The following IL1RAP variants were observed in gnomAD, a reference collection of about 807,000 sequenced individuals.
IL1RAP encodes interleukin-1 receptor accessory protein.
In IL1RAP, 35 loss-of-function variants were observed where a neutral mutation model predicts 60.7. The observed-to-expected ratio is 0.58, with a 90% CI of 0.44 to 0.76. The LOEUF is 0.76. Among genes scored for constraint, IL1RAP ranks in the 30% least tolerant of loss-of-function variants. The pLI, the probability that IL1RAP is intolerant of heterozygous loss-of-function variation, is 0.00. For missense variants in IL1RAP, 572 were observed against 693.9 expected, an observed-to-expected ratio of 0.82 and a Z score of 1.97; for synonymous variants, 268 against 250.9, an observed-to-expected ratio of 1.07 and a Z score of -0.64.
chr3:190,578,428 A>C (rs1002582473), intron 3 of IL1RAP, among the ~76,000 whole-genome samples: 3 of 152,204 alleles, frequency 2.0e-5, no homozygotes, highest in African/African-American at 7.2e-5. Context: ...GCACAGAGGT[A>C]ACTTCAATAT....
chr3:190,617,038 C>T (rs1731340499), intron 5 of IL1RAP, among the ~76,000 whole-genome samples: 1 of 152,168 alleles, frequency 6.6e-6, no homozygotes, highest in Non-Finnish European at 1.5e-5. Flanking sequence ...TTTTCCTGTG[C>T]CTGAAGTGTC....
Position 190,623,430 on chromosome 3 carries a change from G to A in IL1RAP, c.775+15G>A. On this transcript the variant is annotated intron_variant, in intron 7 of 11. Transcript: ENST00000447382. The stretch of plus-strand genomic sequence containing the variant: ...GAAAGAACCAGGTAATTACAGCTAT[G>A]TCTCTGAATTTCACTTAGATTCTCT... 1.9e-6 allele frequency: 3 copies of A among 1,570,344 alleles called. No homozygotes were observed. Among genetic ancestry groups the A allele is most frequent in the Non-Finnish European group, 2.6e-6 (3 of 1,140,628 alleles).
intron 8 of IL1RAP, among the ~76,000 whole-genome samples, chr3:190,627,843 C>T (rs555259418): frequency 3.9e-5 from 6 of 152,186 alleles, no homozygotes; most frequent in South Asian, 2.1e-4. Context: ...TGGAAACCTA[C>T]AGTGTAGTTG....
chr3:190,540,226 A>T (rs80216040), intron 1 of IL1RAP, among the ~76,000 whole-genome samples: 1 of 151,958 alleles, frequency 6.6e-6, no homozygotes, highest in African/African-American at 2.4e-5. Context: ...TCCCATTCAC[A>T]TATCCCTCTC....
chr3:190,641,663 A>C (rs1478738559), intron 9 of IL1RAP, among the ~76,000 whole-genome samples: 1 of 152,210 alleles, frequency 6.6e-6, no homozygotes, highest in South Asian at 2.1e-4. Context: ...TCGGTCATTA[A>C]GCAGGCTCTC....
At chr3:190,604,733 A>G (rs1730151964) in intron 4 of IL1RAP, among the ~76,000 whole-genome samples, 1 of 152,062 alleles carries the variant, frequency 6.6e-6, no homozygotes, top group Admixed American at 6.6e-5. Context: ...GGAGACATCC[A>G]TTTCTCCAGA....
intron 1 of IL1RAP, among the ~76,000 whole-genome samples, chr3:190,530,176 C>G (rs1252574812): frequency 2.0e-5 from 3 of 152,024 alleles, no homozygotes; most frequent in Non-Finnish European, 4.4e-5. Context: ...TGGAGAGAGC[C>G]CAGTCTGACC....
At chr3:190,619,944 A>G (rs1263993094) in intron 5 of IL1RAP, among the ~76,000 whole-genome samples, 1 of 152,106 alleles carries the variant, frequency 6.6e-6, no homozygotes, top group East Asian at 1.9e-4. Context: ...GCAGTTGCTC[A>G]AGTTTCCTTA....
rs1040275971 is a variant in IL1RAP, at chr3:190,577,566, C to G, written c.64+13213C>G. ...GAAGATACATGCCTTTTCTTTCCCC[C>G]CTGCAGGATCTTGCTCTGTTACCTA... On this transcript the variant is annotated intron_variant, in intron 3 of 11. Coordinates refer to ENST00000447382, the MANE Select transcript of IL1RAP (RefSeq NM_002182.4). Among the ~76,000 whole-genome samples the G allele has an allele frequency of 3.3e-5, 5 of 152,270 alleles. No individual in the cohort carries two copies. In the South Asian group the frequency reaches 8.3e-4, roughly 25 times the overall value.
rs999492663 is a variant in IL1RAP, at chr3:190,649,449, A to G, written c.*744A>G. ...TCATTCCTTCTCCCTATCTGCTTAT[A>G]TCGCATTGCTCATTTAGAGTTTGCA... is the stretch of plus-strand genomic sequence containing the variant. On this transcript the variant is annotated 3_prime_UTR_variant, in exon 12 of 12. Transcript: ENST00000447382. The G allele has an allele frequency of 6.1e-6, 6 of 985,480 alleles. No individual in the cohort carries two copies. Among genetic ancestry groups the G allele is most frequent in the African/African-American group, 5.2e-5 (3 of 57,204 alleles). The allele number at this position is 985,480 out of a possible 1,614,324, so 61.0% of individuals were successfully genotyped here.
intron 1 of IL1RAP, among the ~76,000 whole-genome samples, chr3:190,528,837 T>C (rs1252349596): frequency 1.3e-5 from 2 of 152,276 alleles, no homozygotes; most frequent in East Asian, 3.9e-4. Flanking sequence ...GATGGACAGG[T>C]TGGACAGAGA....
chr3:190,635,409 T>C (rs1481991946), intron 9 of IL1RAP, among the ~76,000 whole-genome samples: 1 of 152,180 alleles, frequency 6.6e-6, no homozygotes, highest in East Asian at 1.9e-4. Flanking sequence ...CTTCATTTTC[T>C]TTTTGTCAGT....
At chr3:190,614,187 C>T (rs1239098155) in intron 5 of IL1RAP, among the ~76,000 whole-genome samples, 1 of 150,304 alleles carries the variant, frequency 6.7e-6, no homozygotes. Context: ...TCCTCATAGA[C>T]TTATTTGCAT....
chr3:190,603,100 G>A (rs892562124), intron 3 of IL1RAP, among the ~76,000 whole-genome samples: 8 of 152,048 alleles, frequency 5.3e-5, no homozygotes, highest in South Asian at 2.1e-4. Flanking sequence ...AAGCCATTAC[G>A]CACAAGGACA....
rs373850009 is a variant in IL1RAP at position 190,566,222 on chromosome 3, G to A, written c.64+1869G>A. Among the ~76,000 whole-genome samples the A allele has an allele frequency of 5.9e-5, 9 of 152,266 alleles. No individual in the cohort carries two copies. The East Asian group carries it at 1.5e-3, about 26-fold the overall frequency. On this transcript the variant is annotated intron_variant, in intron 3 of 11. Transcript: ENST00000447382. ...CATAGCAGATGCTCAATACATAGGT[G>A]TTAAATGGTTGAATACATGTCCCTT...
At chr3:190,622,298 C>A (rs778932476) in intron 6 of IL1RAP, among the ~76,000 whole-genome samples, 14 of 152,008 alleles carry the variant, frequency 9.2e-5, no homozygotes, top group Admixed American at 1.3e-4. Flanking sequence ...CTATTTTTTT[C>A]TATGCTCAAA....
At chr3:190,600,150 A>G (rs1180936557) in intron 3 of IL1RAP, among the ~76,000 whole-genome samples, 1 of 152,154 alleles carries the variant, frequency 6.6e-6, no homozygotes, top group African/African-American at 2.4e-5. Context: ...TGAAGCCGTG[A>G]TGCTCGTTAA....
chr3:190,571,691 T>A (rs1457005357), intron 3 of IL1RAP, among the ~76,000 whole-genome samples: 1 of 152,206 alleles, frequency 6.6e-6, no homozygotes, highest in Non-Finnish European at 1.5e-5. Flanking sequence ...TAGTTACCAT[T>A]TTTGGAGTGA....
chr3:190,598,089 G>GA (rs1387835982), intron 3 of IL1RAP, among the ~76,000 whole-genome samples: 5 of 152,128 alleles, frequency 3.3e-5, no homozygotes, highest in African/African-American at 1.2e-4. Flanking sequence ...GATCTGAATT[G>GA]ATACACATTG....
Sources: gnomAD v4.1 joint callset for allele counts (sites outside exome capture counted in the v4.1 genomes callset) on GRCh38, gnomAD v4.1.1 for gene constraint, MANE v1.5 for transcripts, NCBI Gene and HGNC (gene_info 2026-07-23, HGNC 2026-07-21) for gene names.